TTN: variants seen among roughly 807,000 people sequenced by gnomAD.
TTN encodes connectin.
In TTN, 1,525 loss-of-function variants were observed where a neutral mutation model predicts 3,223.0. The observed-to-expected ratio is 0.47, with a 90% CI of 0.45 to 0.49. The LOEUF is 0.49. Ranked by LOEUF, TTN falls within the 20% of genes least tolerant of loss-of-function variation. The pLI is 0.00. For missense variants in TTN, 40,786 were observed against 43,424.0 expected (o/e 0.94, Z 5.40); for synonymous variants, 14,094 against 15,161.0 (o/e 0.93, Z 5.17).
Position 178,751,557 on chromosome 2 carries a change from G to A in TTN, c.11311+1567C>T, listed in dbSNP as rs148722376. 238 of 1,613,090 alleles carry A rather than the reference G, an allele frequency of 1.5e-4. No individual in the cohort carries two copies. In the East Asian group the frequency reaches 1.8e-3, roughly 12 times the overall value. ...AAAGCCTCCACATTTTCATGTGTCC[G>A]TTCTGCTCTTTTCAGAAATTCTAAA... On this transcript the variant is annotated intron_variant, in intron 47 of 362. Coordinates refer to ENST00000589042, the MANE Select transcript of TTN (RefSeq NM_001267550.2).
intron 47 of TTN, chr2:178,751,392 A>G (rs759607930): frequency 1.2e-6 from 2 of 1,608,128 alleles, no homozygotes; most frequent in Non-Finnish European, 1.7e-6. Context: ...TCATACATGT[A>G]ATCTGTTTTC....
At position 178,677,238 on chromosome 2, in the gene TTN, G is replaced by T. The variant is rs369715093; in HGVS notation, c.34341C>A (p.Pro11447=). Residue 11447 remains proline, a synonymous_variant, in exon 147 of 363, where the codon CCC becomes CCA. Transcript: ENST00000589042. ...KPVPEKKVPV[P]APKKVEPPPP... Reference sequence around the variant, plus strand: ...GTGGAGGTTCCACTTTTTTAGGGGCGGGAACAGGGACTTTCTTCTCTGGTA... The same window carrying T: ...GTGGAGGTTCCACTTTTTTAGGGGCTGGAACAGGGACTTTCTTCTCTGGTA... 1.6e-6 allele frequency: 2 copies of T among 1,222,042 alleles called. No individual in the cohort carries two copies. Among genetic ancestry groups the T allele is most frequent in the Non-Finnish European group, 2.0e-6 (2 of 982,636 alleles). The allele number at this position is 1,222,042 out of a possible 1,614,324, so 75.7% of individuals were successfully genotyped here.
chr2:178,577,648 A>G lies in TTN; in HGVS notation c.68778T>C (p.Ser22926=). The change falls in exon 323 of 363, where the codon AGT becomes AGC. Residue 22926 remains serine, a synonymous_variant. Coordinates refer to ENST00000589042, the MANE Select transcript of TTN (RefSeq NM_001267550.2). ...TGGTTTCTGTACTTTCTGATGGAGC[A>G]CTGATAGCACCTGCTGTATTCTTTG... The part of the protein sequence containing the change: ...IRAKNTAGAI[S]APSESTETII... 1 of 1,613,016 alleles carries G rather than the reference A, an allele frequency of 6.2e-7. No homozygotes were observed. The highest frequency in any genetic ancestry group is 8.5e-7 in the Non-Finnish European group (1 of 1,179,482).
At position 178,712,171 on chromosome 2, in the gene TTN, T is replaced by A; in HGVS notation, c.27659A>T (p.Asp9220Val). 1 of 1,613,770 alleles carries A rather than the reference T, an allele frequency of 6.2e-7. No individual in the cohort carries two copies. Among genetic ancestry groups the A allele is most frequent in the Non-Finnish European group, 8.5e-7 (1 of 1,179,774 alleles). The change falls in exon 96 of 363, where the codon GAT (aspartate) becomes GTT (valine). Residue 9220 changes from aspartate (D) to valine (V), a missense_variant. Physicochemically the swap from Asp to Val is radical, Grantham distance 152. Transcript: ENST00000589042. Reference protein sequence around the residue: ...QLEPVKVSVGDSASLQCQLAG... With the variant: ...QLEPVKVSVGVSASLQCQLAG... Reference sequence around the variant, plus strand: ...AAGCTGGCATTGTAGAGAGGCAGAATCTCCAACAGACACCTTAACCGGCTC... The same window carrying A: ...AAGCTGGCATTGTAGAGAGGCAGAAACTCCAACAGACACCTTAACCGGCTC...
chr2:178,559,877 G>A lies in TTN; in HGVS notation c.86255C>T (p.Pro28752Leu). The A allele has an allele frequency of 1.2e-6, 2 of 1,612,694 alleles. No individual in the cohort carries two copies. The highest frequency in any genetic ancestry group is 1.7e-6 in the Non-Finnish European group (2 of 1,179,738). The stretch of plus-strand genomic sequence containing the variant: ...CATTTCACTGTCAATATCAAATAAA[G>A]GTTCTTCTTCTCTTTCCTTTGCTAT... The part of the protein sequence containing the change: ...PQIAKEREEE[P>L]LFDIDSEMRK... The change falls in exon 326 of 363, where the codon CCT (proline) becomes CTT (leucine). Residue 28752 changes from proline to leucine, a missense_variant. Transcript: ENST00000589042.
chr2:178,730,880 G>T, intron 60 of TTN, 45 bp downstream of exon 60: 2 of 1,538,218 alleles, frequency 1.3e-6, no homozygotes, highest in South Asian at 2.6e-5. Context: ...AGGGAAGAAG[G>T]AGCATGGAAA....
rs762095600 is a variant in TTN, at chr2:178,684,723, G to A, written c.32581C>T (p.Pro10861Ser). ...ACTTTTGGAGGAACCTTTTTTTCTG[G>A]AACTGGTTTCTTTGGCTCTTCTGGC... ...KVPEEPKKPVPEKKVPPKVIK... is the reference protein window; with the variant it reads ...KVPEEPKKPVSEKKVPPKVIK... The change falls in exon 131 of 363, where the codon CCA becomes TCA. Residue 10861 changes from proline (P) to serine (S), a missense_variant. Transcript: ENST00000589042. 1.9e-6 allele frequency: 3 copies of A among 1,612,654 alleles called. No individual in the cohort carries two copies.
In TTN at chr2:178,617,024, G is replaced by T. The variant is rs1196571180; in HGVS notation, c.47876-11C>A. The T allele has an allele frequency of 6.2e-7, 1 of 1,612,076 alleles. No homozygotes were observed. Among genetic ancestry groups the T allele is most frequent in the Non-Finnish European group, 8.5e-7 (1 of 1,178,912 alleles). ...CCATTGTTGGTTCAACTACAAAGAA[G>T]AAAAGTTAATGAGTTTGCAGTGCCA... On this transcript the variant is annotated splice_polypyrimidine_tract_variant and intron_variant, in intron 255 of 362. Coordinates refer to ENST00000589042, the MANE Select transcript of TTN (RefSeq NM_001267550.2).
Position 178,717,547 on chromosome 2 carries a change from A to C in TTN, c.25327T>G (p.Ser8443Ala), listed in dbSNP as rs753445241. The C allele has an allele frequency of 6.2e-7, 1 of 1,609,878 alleles. No homozygotes were observed. Among genetic ancestry groups the C allele is most frequent in the South Asian group, 1.1e-5 (1 of 90,554 alleles). ...CCTGAGAGAATGAGCTTGGCACTGGATGAAGCAGTCCCAAGAGGATTAGAA... is the reference window on the plus strand; with the variant it reads ...CCTGAGAGAATGAGCTTGGCACTGGCTGAAGCAGTCCCAAGAGGATTAGAA... ...SASNPLGTAS[S>A]SAKLILSEHE... Residue 8443 changes from serine (S) to alanine (A), a missense_variant, in exon 87 of 363, where the codon TCC becomes GCC. Physicochemically the swap from Ser to Ala is moderately conservative, Grantham distance 99. Transcript: ENST00000589042.
chr2:178,717,069 T>A (rs778594065), intron 88 of TTN, 26 bp downstream of exon 88: 2 of 1,583,050 alleles, frequency 1.3e-6, no homozygotes, highest in South Asian at 1.2e-5. Context: ...GTAAAAGAGA[T>A]CTTGCTCCTT....
Position 178,702,035 on chromosome 2 carries a change from C to T in TTN, c.30538+5G>A, listed in dbSNP as rs2075092408. The T allele has an allele frequency of 1.2e-5, 19 of 1,609,832 alleles. No individual in the cohort carries two copies. Among genetic ancestry groups the T allele is most frequent in the Non-Finnish European group, 1.6e-5 (19 of 1,177,858 alleles). On this transcript the variant is annotated splice_donor_5th_base_variant and intron_variant, in intron 109 of 362. Coordinates refer to ENST00000589042, the MANE Select transcript of TTN (RefSeq NM_001267550.2). ...GCAAGGATTGATTTTTACAAAACAA[C>T]TTACCAGGAGGCTTCAGCTCAAGTT...
rs753691920 is a variant in TTN, at chr2:178,652,248, C to A, written c.39211+16G>T. ...CAAACAAACAATATCAAACACAGCA[C>A]CATGAGGGTGTCTACCTTTTGTGGG... is the stretch of plus-strand genomic sequence containing the variant. On this transcript the variant is annotated intron_variant, in intron 203 of 362. Transcript: ENST00000589042. The A allele has an allele frequency of 7.4e-6, 12 of 1,613,172 alleles. No individual in the cohort carries two copies. The Admixed American group carries it at 1.0e-4, about 13-fold the overall frequency.
chr2:178,613,684 G>A, intron 263 of TTN, 67 bp downstream of exon 263: 1 of 1,483,966 alleles, frequency 6.7e-7, no homozygotes. Flanking sequence ...TAATCCCAAG[G>A]AATACTAAAG....
rs575817028 is a variant in TTN, at chr2:178,711,189, T to A, written c.28047A>T (p.Thr9349=). The change falls in exon 97 of 363, where the codon ACA becomes ACT. Residue 9349 remains threonine, a synonymous_variant. Transcript: ENST00000589042. ...GTGTGGCTGTATTGTCTAAAAATGATGTTTGTACATTTGGGCTGTCTTTCA... is the reference window on the plus strand; with the variant it reads ...GTGTGGCTGTATTGTCTAAAAATGAAGTTTGTACATTTGGGCTGTCTTTCA... ...KPLKDSPNVQ[T]SFLDNTATLN... The A allele has an allele frequency of 6.2e-7, 1 of 1,613,858 alleles. No individual in the cohort carries two copies. Among genetic ancestry groups the A allele is most frequent in the East Asian group, 2.2e-5 (1 of 44,882 alleles).
chr2:178,706,055 G>A (rs534811899), intron 102 of TTN, among the ~76,000 whole-genome samples: 15 of 152,298 alleles, frequency 9.8e-5, no homozygotes, highest in South Asian at 4.1e-4. Context: ...CTGTGAAAAT[G>A]TCTATATGCC....
intron 6 of TTN, chr2:178,798,939 A>G: frequency 6.4e-6 from 1 of 157,010 alleles, no homozygotes; most frequent in South Asian, 1.9e-4. Context: ...CCCCTAAAGT[A>G]GATATTTATT....
At position 178,731,143 on chromosome 2, in the gene TTN, G is replaced by A; in HGVS notation, c.17522C>T (p.Thr5841Ile). 1.9e-6 allele frequency: 3 copies of A among 1,613,670 alleles called. No individual in the cohort carries two copies. Among genetic ancestry groups the A allele is most frequent in the Non-Finnish European group, 2.5e-6 (3 of 1,179,720 alleles). The change falls in exon 60 of 363, where the codon ACT becomes ATT. Residue 5841 changes from threonine (T) to isoleucine (I), a missense_variant. Coordinates refer to ENST00000589042, the MANE Select transcript of TTN (RefSeq NM_001267550.2). The part of the protein sequence containing the change: ...SIDVTQGDPA[T>I]LQVKFSGTKE... ...AGTCCCTGAAAATTTAACCTGCAAA[G>A]TGGCTGGGTCTCCTTGGGTGACATC...
At position 178,571,095 on chromosome 2, in the gene TTN, G is replaced by A. The variant is rs744428; in HGVS notation, c.75037C>T (p.Pro25013Ser). The change falls in exon 326 of 363, where the codon CCA becomes TCA. Residue 25013 changes from proline (P) to serine (S), a missense_variant. By Grantham distance (74) the Pro-to-Ser change is moderately conservative (BLOSUM62 -1). Coordinates refer to ENST00000589042, the MANE Select transcript of TTN (RefSeq NM_001267550.2). ...ARDPCDPPGR[P>S]EAIIVTRNSV... ...TTCCTTGTGACAATGATTGCCTCTG[G>A]CCGTCCTGGTGGATCACATGGGTCA... 1 of 1,613,374 alleles carries A rather than the reference G, an allele frequency of 6.2e-7. No homozygotes were observed. Among genetic ancestry groups the A allele is most frequent in the South Asian group, 1.1e-5 (1 of 91,060 alleles).
intron 346 of TTN, 82 bp from the exon 347 acceptor site, chr2:178,543,744 C>G: frequency 6.5e-7 from 1 of 1,533,568 alleles, no homozygotes; most frequent in East Asian, 2.3e-5. Context: ...CAACATAGTT[C>G]CTTTCTAGAG....
Sources: gnomAD v4.1 joint callset for allele counts (sites outside exome capture counted in the v4.1 genomes callset) on GRCh38, gnomAD v4.1.1 for gene constraint, MANE v1.5 for transcripts, NCBI Gene and HGNC (gene_info 2026-07-23, HGNC 2026-07-21) for gene names.